SCN11A: variants seen among roughly 807,000 people sequenced by gnomAD.
The protein encoded by SCN11A is sodium channel protein type 11 subunit alpha.
A neutral mutation model predicts 162.2 loss-of-function variants in SCN11A; 122 were observed. The ratio of observed to expected loss-of-function variants is 0.75; its 90% CI spans 0.65 to 0.87. The LOEUF is 0.87. SCN11A is among the 40% of genes least tolerant of loss of function. SCN11A has a pLI of 0.00. For missense variants in SCN11A, 2,015 were observed against 2,181.6 expected, an observed-to-expected ratio of 0.92 and a Z score of 1.52; for synonymous variants, 758 against 751.5, an observed-to-expected ratio of 1.01 and a Z score of -0.14.
At chr3:39,047,729 A>AT (rs2032218220) in intron 1 of SCN11A, among the ~76,000 whole-genome samples, 1 of 151,934 alleles carries the variant, frequency 6.6e-6, no homozygotes, top group Non-Finnish European at 1.5e-5. Context: ...CTGAATACAC[A>AT]TTTTTCAAAA....
Position 38,942,067 on chromosome 3 carries a change from T to A in SCN11A, c.488+3344A>T, listed in dbSNP as rs569166294. ...AAAGCTGAAGTAGCTATATTAATAT[T>A]AGACAAAACAAATATTTAAATGAGT... On this transcript the variant is annotated intron_variant, in intron 7 of 29. Transcript: ENST00000302328. Among the ~76,000 whole-genome samples, 399 of 152,198 alleles carry A rather than the reference T, an allele frequency of 2.6e-3. 1 individual carries two copies. Among genetic ancestry groups the A allele is most frequent in the Non-Finnish European group, 3.7e-3 (249 of 67,960 alleles).
Position 38,879,961 on chromosome 3 carries a change from T to G in SCN11A, c.3382A>C (p.Ile1128Leu). ...GATGGTAAACTTACAATCACAATGA[T>G]GAAATCAAGGCAGCACCAGGCACTG... is the stretch of plus-strand genomic sequence containing the variant. ...FTSAWCCLDF[I>L]IVIVSVTTLI... Residue 1128 changes from isoleucine to leucine, a missense_variant, in exon 23 of 30, where the codon ATC becomes CTC. By Grantham distance (5) the Ile-to-Leu change is conservative. Transcript: ENST00000302328. The G allele has an allele frequency of 6.2e-7, 1 of 1,612,530 alleles. No individual in the cohort carries two copies. Among genetic ancestry groups the G allele is most frequent in the Admixed American group, 1.7e-5 (1 of 59,772 alleles).
At chr3:38,907,893 G>A (rs754097796) in intron 14 of SCN11A, 56 bp downstream of exon 14, 43 of 1,418,494 alleles carry the variant, frequency 3.0e-5, no homozygotes, top group African/African-American at 1.0e-4. Context: ...ATTGGCAATT[G>A]GACCTGTCCC....
At chr3:39,031,008 G>C (rs542399510) in intron 2 of SCN11A, among the ~76,000 whole-genome samples, 1 of 152,284 alleles carries the variant, frequency 6.6e-6, no homozygotes, top group East Asian at 1.9e-4. Context: ...CCCTCCAGTG[G>C]GAAAGCTAGA....
At chr3:38,905,983 T>A (rs908914377) in intron 14 of SCN11A, among the ~76,000 whole-genome samples, 3 of 152,174 alleles carry the variant, frequency 2.0e-5, no homozygotes, top group African/African-American at 7.2e-5. Flanking sequence ...GTGGCTTATT[T>A]TCCAAGGGTT....
rs1471561141 is a variant in SCN11A, at chr3:38,963,424, G to T, written c.-279-3001C>A. ...TATATATATATATATATATGATGGA[G>T]ATATATATATATATATATATGATGG... On this transcript the variant is annotated intron_variant, in intron 2 of 29. Transcript: ENST00000302328. Among the ~76,000 whole-genome samples, 48 of 61,440 alleles carry T rather than the reference G, an allele frequency of 7.8e-4. 3 individuals are homozygous for T. Among genetic ancestry groups the T allele is most frequent in the Non-Finnish European group, 7.2e-4 (26 of 35,928 alleles). The allele number at this position is 61,440 out of a possible 152,430, so 40.3% of individuals were successfully genotyped here.
chr3:39,040,495 C>T (rs1188710617), intron 1 of SCN11A, among the ~76,000 whole-genome samples: 1 of 152,136 alleles, frequency 6.6e-6, no homozygotes, highest in Non-Finnish European at 1.5e-5. Context: ...CACGACACTG[C>T]CAAAGGAACA....
chr3:38,930,990 G>A (rs1452568731), intron 7 of SCN11A, among the ~76,000 whole-genome samples: 4 of 152,192 alleles, frequency 2.6e-5, no homozygotes, highest in Non-Finnish European at 5.9e-5. Flanking sequence ...CTCACCACAA[G>A]GGCTAGGCAG....
chr3:38,970,387 T>G (rs2066809704), intron 2 of SCN11A, among the ~76,000 whole-genome samples: 1 of 152,202 alleles, frequency 6.6e-6, no homozygotes, highest in Non-Finnish European at 1.5e-5. Flanking sequence ...ACAAATAATA[T>G]GCCCTCTCCA....
chr3:38,933,244 C>T (rs2066274182), intron 7 of SCN11A, among the ~76,000 whole-genome samples: 1 of 152,026 alleles, frequency 6.6e-6, no homozygotes, highest in Non-Finnish European at 1.5e-5. Context: ...CATCAAAGAC[C>T]AAAAGTAGGT....
intron 7 of SCN11A, among the ~76,000 whole-genome samples, chr3:38,936,069 G>A (rs1418553312): frequency 1.3e-5 from 2 of 151,736 alleles, no homozygotes; most frequent in Non-Finnish European, 2.9e-5. Context: ...TTCAATATAT[G>A]CAAATCAATA....
chr3:39,009,067 C>T (rs2031056152), intron 2 of SCN11A, among the ~76,000 whole-genome samples: 2 of 151,774 alleles, frequency 1.3e-5, no homozygotes, highest in African/African-American at 4.8e-5. Flanking sequence ...AAAAAGTTTT[C>T]CAGAGGCTAC....
chr3:39,012,846 T>G (rs183125381), intron 2 of SCN11A, among the ~76,000 whole-genome samples: 40 of 152,346 alleles, frequency 2.6e-4, no homozygotes, highest in African/African-American at 9.1e-4. Context: ...CTTCCTTGCT[T>G]CATAAATTCT....
rs532929626 is a variant in SCN11A, at chr3:38,981,882, T to C, written c.-279-21459A>G. 8.6e-5 allele frequency among the ~76,000 whole-genome samples: 13 copies of C among 151,930 alleles called. No homozygotes were observed. The East Asian group carries it at 2.5e-3, about 29-fold the overall frequency. ...AGCCGGGCATGGTGGCAGGCACCTG[T>C]AGTCCCAGCTACTCAGGAGACTGAG... On this transcript the variant is annotated intron_variant, in intron 2 of 29. Transcript: ENST00000302328.
Position 38,863,203 on chromosome 3 carries a change from G to A in SCN11A, c.4048C>T (p.Arg1350Trp), listed in dbSNP as rs753378397. Residue 1350 changes from arginine (R) to tryptophan (W), a missense_variant, in exon 28 of 30, where the codon CGG becomes TGG. By Grantham distance (101) the Arg-to-Trp change is moderately radical. Transcript: ENST00000302328. Reference protein sequence around the residue: ...GSKKPQKPIPRPLNKCQGLVF... With the variant: ...GSKKPQKPIPWPLNKCQGLVF... ...CATTCAATTGCTCTCACCAGAGGCC[G>A]TGGAATGGGTTTTTGAGGTTTTTTG... The A allele has an allele frequency of 1.5e-5, 23 of 1,562,772 alleles. No individual in the cohort carries two copies. Among genetic ancestry groups the A allele is most frequent in the South Asian group, 4.4e-5 (4 of 89,962 alleles).
At chr3:38,961,564 G>C (rs1295637029) in intron 2 of SCN11A, among the ~76,000 whole-genome samples, 1 of 152,178 alleles carries the variant, frequency 6.6e-6, no homozygotes, top group South Asian at 2.1e-4. Context: ...CCCAGAATAA[G>C]AGAAGACCAA....
chr3:39,003,621 T>C (rs1167890440), intron 2 of SCN11A, among the ~76,000 whole-genome samples: 1 of 152,232 alleles, frequency 6.6e-6, no homozygotes, highest in African/African-American at 2.4e-5. Flanking sequence ...ATTTCCACAA[T>C]GGTTGAACTA....
rs62242295 is a variant in SCN11A at position 38,919,055 on chromosome 3, T to A, written c.959+880A>T. On this transcript the variant is annotated intron_variant, in intron 11 of 29. Coordinates refer to ENST00000302328, the MANE Select transcript of SCN11A (RefSeq NM_001349253.2). ...TACTATACTGAATACTGTAGGCAAC[T>A]GTAGCACAATGGTAATAATTTGTGT... Among the ~76,000 whole-genome samples the A allele has an allele frequency of 6.3e-3, 957 of 152,336 alleles. 6 individuals carry two copies. The highest frequency in any genetic ancestry group is 0.012 in the Non-Finnish European group (797 of 68,032).
intron 2 of SCN11A, among the ~76,000 whole-genome samples, chr3:39,001,831 G>A (rs1387074227): frequency 6.6e-6 from 1 of 152,066 alleles, no homozygotes; most frequent in Non-Finnish European, 1.5e-5. Context: ...TCAGGAGGTC[G>A]AGACCATCCT....
Sources: allele counts gnomAD v4.1 joint callset (sites outside exome capture counted in the v4.1 genomes callset), GRCh38; gene constraint gnomAD v4.1.1; transcripts MANE v1.5; gene names NCBI Gene and HGNC (gene_info 2026-07-23, HGNC 2026-07-21).